Variants in PTPN4 observed in about 807,000 individuals in gnomAD.
PTPN4 encodes the protein tyrosine-protein phosphatase non-receptor type 4.
A neutral mutation model predicts 135.5 loss-of-function variants in PTPN4; 49 were observed. The ratio of observed to expected loss-of-function variants is 0.36; its 90% CI spans 0.29 to 0.46. The LOEUF is 0.46. Among genes scored for constraint, PTPN4 ranks in the 20% least tolerant of loss-of-function variants. The pLI is 1.00. For synonymous variants in PTPN4, 333 were observed against 369.9 expected (o/e 0.90, Z 1.14); for missense variants, 860 against 1,101.0 (o/e 0.78, Z 3.10).
intron 3 of PTPN4, among the ~76,000 whole-genome samples, chr2:119,867,023 A>C (rs766051999): frequency 4.0e-4 from 61 of 152,182 alleles, no homozygotes; most frequent in Admixed American, 1.1e-3. Context: ...AGAAAGAAGC[A>C]GGAGCATATG....
At chr2:119,934,614 C>G (rs948935426) in intron 14 of PTPN4, among the ~76,000 whole-genome samples, 186 bp from the exon 15 acceptor site, 2 of 152,132 alleles carry the variant, frequency 1.3e-5, no homozygotes, top group Non-Finnish European at 2.9e-5. Flanking sequence ...GATTGTAACT[C>G]AGATCACTGA....
At chr2:119,856,168 C>A (rs1351360420) in intron 2 of PTPN4, among the ~76,000 whole-genome samples, 1 of 152,142 alleles carries the variant, frequency 6.6e-6, no homozygotes, top group African/African-American at 2.4e-5. Context: ...TCGGGACTTT[C>A]AACCAGAAGG....
chr2:119,964,909 A>T (rs1679424417), intron 24 of PTPN4, among the ~76,000 whole-genome samples: 2 of 152,228 alleles, frequency 1.3e-5, no homozygotes, highest in Admixed American at 1.3e-4. Context: ...GCAATAACAG[A>T]CGAATACACT....
intron 11 of PTPN4, among the ~76,000 whole-genome samples, chr2:119,919,823 CAAAAA>C (rs768606079): frequency 1.5e-5 from 1 of 64,758 alleles, no homozygotes; most frequent in Non-Finnish European, 3.3e-5. Flanking sequence ...GACTGTGTCT[CAAAAA>C]AAAAAAAAAA....
At chr2:119,883,916 T>C (rs928690617) in intron 8 of PTPN4, among the ~76,000 whole-genome samples, 1 of 152,242 alleles carries the variant, frequency 6.6e-6, no homozygotes, top group African/African-American at 2.4e-5. Context: ...ACCATGGCCA[T>C]TGAAACGGAG....
intron 1 of PTPN4, among the ~76,000 whole-genome samples, chr2:119,773,370 T>C (rs1482618171): frequency 6.6e-6 from 1 of 152,122 alleles, no homozygotes; most frequent in African/African-American, 2.4e-5. Context: ...GAAAAATTTT[T>C]GGAGGTTTGG....
At chr2:119,884,847 G>A (rs1211803247) in intron 8 of PTPN4, among the ~76,000 whole-genome samples, 3 of 152,128 alleles carry the variant, frequency 2.0e-5, no homozygotes, top group Admixed American at 1.3e-4. Context: ...TTAGCGGGCT[G>A]TTGGCTCCCT....
At chr2:119,760,622 TG>T (rs1690468252) in intron 1 of PTPN4, among the ~76,000 whole-genome samples, 1 of 151,860 alleles carries the variant, frequency 6.6e-6, no homozygotes, top group Non-Finnish European at 1.5e-5. Context: ...ATCTCTGTTA[TG>T]GGTCAGCGAA....
chr2:119,973,563 T>G (rs1204239161), intron 26 of PTPN4, among the ~76,000 whole-genome samples: 11 of 151,232 alleles, frequency 7.3e-5, no homozygotes, highest in Non-Finnish European at 1.5e-5. Context: ...ATAATTTGTT[T>G]AAAATCAGAA....
chr2:119,929,633 C>A (rs1467020603), intron 13 of PTPN4, among the ~76,000 whole-genome samples: 1 of 152,112 alleles, frequency 6.6e-6, no homozygotes, highest in Non-Finnish European at 1.5e-5. Flanking sequence ...ACATCGCAAA[C>A]ACACTGATGC....
At chr2:119,852,950 C>T (rs1414810936) in intron 2 of PTPN4, among the ~76,000 whole-genome samples, 3 of 152,106 alleles carry the variant, frequency 2.0e-5, no homozygotes, top group African/African-American at 7.2e-5. Context: ...CTTTCTCTCA[C>T]TGTGTTCTAT....
intron 5 of PTPN4, 132 bp from the exon 6 acceptor site, chr2:119,881,654 A>G (rs934771559): frequency 1.7e-6 from 1 of 586,474 alleles, no homozygotes. Context: ...ACTACTTTAC[A>G]TGTTTTAATA....
At position 119,980,631 on chromosome 2, in the gene PTPN4, A is replaced by G. The variant is rs746466846; in HGVS notation, c.*3561A>G. The G allele has an allele frequency of 4.6e-5, 7 of 151,952 alleles. No homozygotes were observed. Among genetic ancestry groups the G allele is most frequent in the Admixed American group, 1.3e-4 (2 of 15,238 alleles). The allele number at this position is 151,952 out of a possible 1,614,324, so 9.4% of individuals were successfully genotyped here. ...CATAAATTCTTGTGAATTTTTGTCT[A>G]TTTCCAGTAGAGAAGCATACTCAGC... On this transcript the variant is annotated 3_prime_UTR_variant, in exon 27 of 27. Transcript: ENST00000263708.
chr2:119,924,748 CTTGTTACTCCAGCCTTTTGAG>C (rs1265362148), intron 12 of PTPN4, among the ~76,000 whole-genome samples: 1 of 152,002 alleles, frequency 6.6e-6, no homozygotes, highest in Admixed American at 6.5e-5. Flanking sequence ...TGAAATTTAA[CTTGTTACTCCAGCCTTTTGAG>C]TAATAGTATC....
intron 1 of PTPN4, among the ~76,000 whole-genome samples, chr2:119,801,150 A>G (rs1483509507): frequency 6.6e-6 from 1 of 152,168 alleles, no homozygotes; most frequent in African/African-American, 2.4e-5. Context: ...GTGCAGTGGC[A>G]CGATCTTGGT....
intron 7 of PTPN4, 89 bp downstream of exon 7, chr2:119,882,238 A>T: frequency 1.5e-6 from 2 of 1,297,208 alleles, no homozygotes; most frequent in South Asian, 1.2e-5. Flanking sequence ...GTTCTTTAGA[A>T]ATGTTGCTAT....
At chr2:119,793,939 T>G (rs1691203510) in intron 1 of PTPN4, among the ~76,000 whole-genome samples, 1 of 134,642 alleles carries the variant, frequency 7.4e-6, no homozygotes, top group Non-Finnish European at 1.5e-5. Context: ...CACAGCAGCC[T>G]CGAACTCCTG....
intron 15 of PTPN4, among the ~76,000 whole-genome samples, chr2:119,937,431 A>G (rs1313047373): frequency 2.6e-5 from 4 of 152,200 alleles, no homozygotes; most frequent in African/African-American, 9.6e-5. Flanking sequence ...TGTTTAGAAT[A>G]AAGTTACCAT....
chr2:119,813,351 G>A (rs1275454009), intron 2 of PTPN4, among the ~76,000 whole-genome samples: 2 of 151,816 alleles, frequency 1.3e-5, no homozygotes, highest in African/African-American at 4.8e-5. Flanking sequence ...AGGTTCGAGC[G>A]ATTCTCCTGC....
Sources: gnomAD v4.1 joint callset for allele counts (sites outside exome capture counted in the v4.1 genomes callset) on GRCh38, gnomAD v4.1.1 for gene constraint, MANE v1.5 for transcripts, NCBI Gene and HGNC (gene_info 2026-07-23, HGNC 2026-07-21) for gene names.